BTBD9: variants seen among roughly 807,000 people sequenced by gnomAD.
BTBD9 encodes BTB domain containing 9.
A neutral mutation model predicts 64.3 loss-of-function variants in BTBD9; 49 were observed. The observed-to-expected ratio is 0.76, with a 90% CI of 0.61 to 0.97. BTBD9 has a LOEUF of 0.97. Ranked by LOEUF, BTBD9 falls within the 50% of genes least tolerant of loss-of-function variation. The pLI is 0.00. For missense variants in BTBD9, 598 were observed against 762.1 expected, an observed-to-expected ratio of 0.78 and a Z score of 2.53; for synonymous variants, 260 against 274.7, an observed-to-expected ratio of 0.95 and a Z score of 0.53.
chr6:38,604,331 T>C (rs778194544), intron 1 of BTBD9, among the ~76,000 whole-genome samples: 8 of 152,224 alleles, frequency 5.3e-5, no homozygotes, highest in Non-Finnish European at 1.2e-4. Flanking sequence ...AAGAATAGTA[T>C]CATAAAAATA....
At chr6:38,564,283 C>T (rs1235137890) in intron 6 of BTBD9, among the ~76,000 whole-genome samples, 3 of 152,154 alleles carry the variant, frequency 2.0e-5, no homozygotes, top group South Asian at 4.1e-4. Flanking sequence ...AAGCTGTAAG[C>T]TTTAAGGGTG....
At chr6:38,588,462 T>C (rs1776645751) in intron 4 of BTBD9, 3 of 834,276 alleles carry the variant, frequency 3.6e-6, no homozygotes, top group Non-Finnish European at 5.9e-6. Context: ...CTCCTCCAAC[T>C]GGGCCTAATC....
chr6:38,589,625 T>C lies in BTBD9; in HGVS notation c.814+2951A>G, dbSNP rs1479839686. Among the ~76,000 whole-genome samples, 5 of 152,264 alleles carry C rather than the reference T, an allele frequency of 3.3e-5. No individual in the cohort carries two copies. The South Asian group carries it at 8.3e-4, about 25-fold the overall frequency. ...CCTGATCTCTCTAGCTACCATACTATTTTTTTACTACCTTACAATCCAATT... is the reference window on the plus strand; with the variant it reads ...CCTGATCTCTCTAGCTACCATACTACTTTTTTACTACCTTACAATCCAATT... On this transcript the variant is annotated intron_variant, in intron 4 of 10. Coordinates refer to ENST00000481247, the MANE Select transcript of BTBD9 (RefSeq NM_001099272.2).
At chr6:38,368,265 C>T (rs1338215067) in intron 6 of BTBD9, among the ~76,000 whole-genome samples, 2 of 152,146 alleles carry the variant, frequency 1.3e-5, no homozygotes, top group African/African-American at 4.8e-5. Flanking sequence ...TCCCCCAAAA[C>T]CAATTTCCAT....
At chr6:38,549,740 T>C (rs781613593) in intron 6 of BTBD9, among the ~76,000 whole-genome samples, 15 of 152,170 alleles carry the variant, frequency 9.9e-5, no homozygotes, top group Non-Finnish European at 2.2e-4. Flanking sequence ...TCAAAATAGT[T>C]GTCTATACAT....
At chr6:38,287,693 G>A (rs923204397) in intron 8 of BTBD9, among the ~76,000 whole-genome samples, 1 of 152,178 alleles carries the variant, frequency 6.6e-6, no homozygotes, top group African/African-American at 2.4e-5. Context: ...TTGGCTGACA[G>A]TGCATTTCTT....
chr6:38,361,762 C>G (rs572527680), intron 6 of BTBD9, among the ~76,000 whole-genome samples: 1 of 152,154 alleles, frequency 6.6e-6, no homozygotes, highest in Non-Finnish European at 1.5e-5. Context: ...ATTGCTTGAA[C>G]CCAGGAGGCA....
intron 6 of BTBD9, among the ~76,000 whole-genome samples, chr6:38,503,367 C>A (rs1471960238): frequency 6.6e-6 from 1 of 152,134 alleles, no homozygotes; most frequent in Admixed American, 6.5e-5. Context: ...GACTTTACAG[C>A]CCATCTACCT....
chr6:38,508,612 CTCA>C (rs1772642060), intron 6 of BTBD9, among the ~76,000 whole-genome samples: 1 of 152,156 alleles, frequency 6.6e-6, no homozygotes, highest in African/African-American at 2.4e-5. Context: ...CTACTTAAAA[CTCA>C]TCAATGGCTC....
chr6:38,343,106 T>C (rs563987508), intron 7 of BTBD9, among the ~76,000 whole-genome samples: 1 of 152,334 alleles, frequency 6.6e-6, no homozygotes, highest in East Asian at 1.9e-4. Context: ...CTCTTTGCAG[T>C]CAAACTTGTG....
At chr6:38,356,215 G>T (rs1764723499) in intron 6 of BTBD9, among the ~76,000 whole-genome samples, 1 of 152,032 alleles carries the variant, frequency 6.6e-6, no homozygotes, top group African/African-American at 2.4e-5. Context: ...CTTCCAGTGG[G>T]CTGAGCACTC....
At chr6:38,546,083 G>A (rs1359280655) in intron 6 of BTBD9, among the ~76,000 whole-genome samples, 1 of 152,170 alleles carries the variant, frequency 6.6e-6, no homozygotes, top group Non-Finnish European at 1.5e-5. Context: ...CCTAGGATTT[G>A]CTGATGGATT....
intron 6 of BTBD9, among the ~76,000 whole-genome samples, chr6:38,556,885 C>T (rs796444663): frequency 8.0e-5 from 12 of 150,688 alleles, no homozygotes; most frequent in African/African-American, 2.9e-4. Flanking sequence ...GATGTAGTGG[C>T]GCCTGTAATT....
rs1227881416 is a variant in BTBD9, at chr6:38,515,825, A to C, written c.1154+61775T>G. ...ATGAAAAGCACAGAATAAATCATAA[A>C]GTACTACTTGACGCACCAAAAATTA... is the stretch of plus-strand genomic sequence containing the variant. On this transcript the variant is annotated intron_variant, in intron 6 of 10. Transcript: ENST00000481247. Among the ~76,000 whole-genome samples the C allele has an allele frequency of 5.3e-5, 8 of 152,220 alleles. 1 individual carries two copies. In the East Asian group the frequency reaches 1.5e-3, roughly 29 times the overall value.
At chr6:38,505,704 C>T (rs1028468453) in intron 6 of BTBD9, among the ~76,000 whole-genome samples, 5 of 151,652 alleles carry the variant, frequency 3.3e-5, no homozygotes, top group Non-Finnish European at 5.9e-5. Flanking sequence ...CAGTGGCTCA[C>T]GCCTGTAATC....
intron 9 of BTBD9, among the ~76,000 whole-genome samples, chr6:38,234,907 T>C (rs2127519971): frequency 6.6e-6 from 1 of 152,398 alleles, no homozygotes; most frequent in South Asian, 2.1e-4. Context: ...ATCCCTAGTA[T>C]AAAGGCTAAG....
intron 6 of BTBD9, among the ~76,000 whole-genome samples, chr6:38,482,989 C>T (rs1771229803): frequency 6.6e-6 from 1 of 152,034 alleles, no homozygotes; most frequent in African/African-American, 2.4e-5. Context: ...AGAGATCCAG[C>T]CCCTCTCCCA....
chr6:38,569,704 A>G (rs1775673493), intron 6 of BTBD9, among the ~76,000 whole-genome samples: 2 of 152,194 alleles, frequency 1.3e-5, no homozygotes, highest in African/African-American at 2.4e-5. Flanking sequence ...AAAACAAAGA[A>G]GCTTGGATTC....
rs1295152218 is a variant in BTBD9 at position 38,184,167 on chromosome 6, T to C, written c.1641+8352A>G. ...ATCCTCTGTGGATGGACGCTCGTGGTATCCCGTTGGGTTCAGGATGAACAA... is the reference window on the plus strand; with the variant it reads ...ATCCTCTGTGGATGGACGCTCGTGGCATCCCGTTGGGTTCAGGATGAACAA... On this transcript the variant is annotated intron_variant, in intron 10 of 10. Coordinates refer to ENST00000481247, the MANE Select transcript of BTBD9 (RefSeq NM_001099272.2). The surrounding 1 kb of genome is among the most constrained non-coding windows in gnomAD (Gnocchi z 4.4). Among the ~76,000 whole-genome samples, 1 of 152,196 alleles carries C rather than the reference T, an allele frequency of 6.6e-6. No individual in the cohort carries two copies. Among genetic ancestry groups the C allele is most frequent in the Non-Finnish European group, 1.5e-5 (1 of 68,036 alleles).
Sources: allele counts gnomAD v4.1 joint callset (sites outside exome capture counted in the v4.1 genomes callset), GRCh38; gene constraint gnomAD v4.1.1; non-coding constraint Gnocchi (gnomAD v3.1); transcripts MANE v1.5; gene names NCBI Gene and HGNC (gene_info 2026-07-23, HGNC 2026-07-21).